ARID1B: variants seen among roughly 807,000 people sequenced by gnomAD.
The protein encoded by ARID1B is AT-rich interaction domain 1B.
ARID1B carries 30 observed loss-of-function variants against 212.3 expected under a neutral mutation model. The ratio of observed to expected loss-of-function variants is 0.14; its 90% confidence interval spans 0.11 to 0.19. The LOEUF (loss-of-function observed/expected upper bound fraction) is 0.19, where lower values mean the gene tolerates loss of function less well. Among genes scored for constraint, ARID1B ranks in the 10% least tolerant of loss-of-function variants. The pLI is 1.00. For missense variants in ARID1B, 2,891 were observed against 3,204.0 expected, an observed-to-expected ratio of 0.90 and a Z score of 2.36; for synonymous variants, 1,402 against 1,301.7, an observed-to-expected ratio of 1.08 and a Z score of -1.66.
At chr6:156,925,198 A>T (rs985546486) in intron 3 of ARID1B, among the ~76,000 whole-genome samples, 1 of 152,198 alleles carries the variant, frequency 6.6e-6, no homozygotes, top group Non-Finnish European at 1.5e-5. Flanking sequence ...GAAGCCAGGG[A>T]CTGCAGGTCC....
At chr6:156,792,401 C>T (rs1191572648) in intron 1 of ARID1B, among the ~76,000 whole-genome samples, 1 of 152,032 alleles carries the variant, frequency 6.6e-6, no homozygotes, top group Non-Finnish European at 1.5e-5. Context: ...GCCAGGAGTC[C>T]AAGACCAGCC....
At chr6:156,878,504 C>A (rs1269300812) in intron 2 of ARID1B, among the ~76,000 whole-genome samples, 1 of 152,174 alleles carries the variant, frequency 6.6e-6, no homozygotes, top group Non-Finnish European at 1.5e-5. Context: ...GTGTGTACTG[C>A]AAGGAGAAGT....
rs1304911440 is a variant in ARID1B, at chr6:157,094,138, C to T, written c.2491+9233C>T. 6.6e-6 allele frequency among the ~76,000 whole-genome samples: 1 copy of T among 152,060 alleles called. No homozygotes were observed. The highest frequency in any genetic ancestry group is 1.5e-5 in the Non-Finnish European group (1 of 68,020). On this transcript the variant is annotated intron_variant, in intron 5 of 19. Transcript: ENST00000636930. The surrounding 1 kb of genome is among the most constrained non-coding windows in gnomAD (Gnocchi z 4.3). ...AAGAGAAGTGAAAGAAGGGCAGGGGCAAGCCATGTGAGCATCTGGGAAAGG... is the reference window on the plus strand; with the variant it reads ...AAGAGAAGTGAAAGAAGGGCAGGGGTAAGCCATGTGAGCATCTGGGAAAGG...
chr6:157,186,503 G>A (rs552229676), intron 13 of ARID1B: 1 of 471,160 alleles, frequency 2.1e-6, no homozygotes, highest in African/African-American at 2.0e-5. Flanking sequence ...GTCTTCAGAA[G>A]CCTCTCGATT....
chr6:156,829,484 C>G (rs2128047907), intron 2 of ARID1B, 63 bp downstream of exon 2: 1 of 1,493,434 alleles, frequency 6.7e-7, no homozygotes, highest in Non-Finnish European at 9.0e-7. Flanking sequence ...CTTTTGCTGT[C>G]CACCTAAGAT....
At chr6:157,099,001 T>A (rs1428392298) in intron 5 of ARID1B, among the ~76,000 whole-genome samples, 1 of 152,222 alleles carries the variant, frequency 6.6e-6, no homozygotes, top group Non-Finnish European at 1.5e-5. Flanking sequence ...TCTCGCTCTG[T>A]CACCCAGGCT....
chr6:157,059,311 C>T (rs976685178), intron 4 of ARID1B, among the ~76,000 whole-genome samples: 1 of 152,134 alleles, frequency 6.6e-6, no homozygotes, highest in Non-Finnish European at 1.5e-5. Flanking sequence ...GGTGAAATTA[C>T]TCCATTCGCT....
At chr6:156,916,342 TC>T (rs774110636) in intron 3 of ARID1B, among the ~76,000 whole-genome samples, 1 of 152,184 alleles carries the variant, frequency 6.6e-6, no homozygotes, top group Non-Finnish European at 1.5e-5. Context: ...GGTTTATTCT[TC>T]CTGTTGTAGA....
chr6:156,906,715 A>G (rs1245651216), intron 3 of ARID1B, among the ~76,000 whole-genome samples: 3 of 152,018 alleles, frequency 2.0e-5, no homozygotes, highest in Admixed American at 2.0e-4. Context: ...CTGGTTTTCC[A>G]ATGCTTGCCT....
intron 3 of ARID1B, among the ~76,000 whole-genome samples, chr6:156,906,202 T>A (rs1789360924): frequency 6.6e-6 from 1 of 151,970 alleles, no homozygotes; most frequent in Non-Finnish European, 1.5e-5. Flanking sequence ...CTTTTGTGAT[T>A]AGGTATTTTA....
intron 12 of ARID1B, among the ~76,000 whole-genome samples, chr6:157,183,881 C>T (rs889890888): frequency 3.3e-5 from 5 of 152,234 alleles, no homozygotes; most frequent in African/African-American, 1.2e-4. Flanking sequence ...AGCACTTTCA[C>T]ATCAGTGCCC....
intron 1 of ARID1B, among the ~76,000 whole-genome samples, chr6:156,793,946 T>C (rs960288314): frequency 3.3e-5 from 5 of 152,260 alleles, no homozygotes; most frequent in African/African-American, 1.2e-4. Flanking sequence ...GCATCATCAT[T>C]ATCTCTATTT....
intron 4 of ARID1B, among the ~76,000 whole-genome samples, chr6:156,975,805 T>C (rs551771126): frequency 3.9e-5 from 6 of 152,252 alleles, no homozygotes; most frequent in Admixed American, 3.9e-4. Context: ...CGAGCGTCCA[T>C]GTGAAGAGAC....
intron 4 of ARID1B, among the ~76,000 whole-genome samples, chr6:157,006,018 C>T (rs1009369292): frequency 6.6e-6 from 1 of 152,070 alleles, no homozygotes; most frequent in African/African-American, 2.4e-5. Context: ...TCCTTCTATT[C>T]CCCTTCTTAT....
At chr6:156,810,967 G>C (rs2127984220) in intron 1 of ARID1B, among the ~76,000 whole-genome samples, 1 of 152,288 alleles carries the variant, frequency 6.6e-6, no homozygotes, top group African/African-American at 2.4e-5. Flanking sequence ...TACTCTGCTT[G>C]GGGTCGTAGA....
intron 4 of ARID1B, among the ~76,000 whole-genome samples, chr6:157,021,432 C>T (rs1780247918): frequency 6.6e-6 from 1 of 152,202 alleles, no homozygotes; most frequent in African/African-American, 2.4e-5. Context: ...GCGGAGGGGA[C>T]CGAGTCACAC....
intron 2 of ARID1B, among the ~76,000 whole-genome samples, chr6:156,838,890 C>A (rs893674626): frequency 6.6e-6 from 1 of 152,082 alleles, no homozygotes; most frequent in African/African-American, 2.4e-5. Flanking sequence ...GGTCAGCCAA[C>A]AAGGAGGCTT....
intron 2 of ARID1B, among the ~76,000 whole-genome samples, chr6:156,885,953 A>G (rs1787468393): frequency 6.6e-6 from 1 of 152,206 alleles, no homozygotes; most frequent in African/African-American, 2.4e-5. Flanking sequence ...AAATGTGCCA[A>G]AATCCTAAAC....
intron 4 of ARID1B, among the ~76,000 whole-genome samples, chr6:157,074,613 A>G (rs1784196552): frequency 6.6e-6 from 1 of 152,200 alleles, no homozygotes; most frequent in Non-Finnish European, 1.5e-5. Context: ...AGGCAATATG[A>G]TGGGCTAGTG....
Sources: allele counts gnomAD v4.1 joint callset (sites outside exome capture counted in the v4.1 genomes callset), GRCh38; gene constraint gnomAD v4.1.1; non-coding constraint Gnocchi (gnomAD v3.1); transcripts MANE v1.5; gene names NCBI Gene and HGNC (gene_info 2026-07-23, HGNC 2026-07-21).